PTPRG: variants seen among roughly 807,000 people sequenced by gnomAD.
PTPRG encodes the protein protein tyrosine phosphatase receptor type G.
A neutral mutation model predicts 165.3 loss-of-function variants in PTPRG; 102 were observed. That is an observed-to-expected ratio of 0.62 (90% CI 0.53 to 0.73). The LOEUF (loss-of-function observed/expected upper bound fraction) is 0.73. Ranked by LOEUF, PTPRG falls within the 30% of genes least tolerant of loss-of-function variation. PTPRG has a pLI of 0.00. For synonymous variants in PTPRG, 675 were observed against 669.5 expected (o/e 1.01, Z -0.13); for missense variants, 1,866 against 1,861.4 (o/e 1.00, Z -0.05).
intron 2 of PTPRG, among the ~76,000 whole-genome samples, chr3:61,805,888 C>A (rs2035399619): frequency 6.6e-6 from 1 of 152,080 alleles, no homozygotes; most frequent in South Asian, 2.1e-4. Flanking sequence ...ATTTACAAAT[C>A]TTGGAGTTTG....
intron 2 of PTPRG, among the ~76,000 whole-genome samples, chr3:61,841,278 C>T (rs190382849): frequency 2.0e-5 from 3 of 152,232 alleles, no homozygotes; most frequent in Admixed American, 6.5e-5. Context: ...AATATTTGTT[C>T]TCCCAGGTCA....
intron 3 of PTPRG, among the ~76,000 whole-genome samples, chr3:62,001,061 C>T (rs1288683465): frequency 2.0e-5 from 3 of 152,230 alleles, no homozygotes; most frequent in African/African-American, 7.2e-5. Context: ...TGCATGACAT[C>T]TTGTGCTCTG....
intron 5 of PTPRG, among the ~76,000 whole-genome samples, chr3:62,107,273 G>C (rs956640573): frequency 1.3e-5 from 2 of 152,288 alleles, no homozygotes; most frequent in South Asian, 2.1e-4. Flanking sequence ...CTCATACCAT[G>C]AAGCATACTT....
chr3:61,674,131 G>A (rs914191896), intron 1 of PTPRG, among the ~76,000 whole-genome samples: 16 of 151,592 alleles, frequency 1.1e-4, no homozygotes, highest in Middle Eastern at 3.4e-3. Context: ...GTATACCTAT[G>A]TAACAAACCT....
At chr3:61,643,287 G>GAGAGAGAGAGAC (rs1397650637) in intron 1 of PTPRG, among the ~76,000 whole-genome samples, 2 of 152,022 alleles carry the variant, frequency 1.3e-5, no homozygotes, top group Non-Finnish European at 2.9e-5. Context: ...AAGAGAGAGA[G>GAGAGAGAGAGAC]AGAGAGACAG....
chr3:62,244,175 T>A (rs1247967821), intron 15 of PTPRG, among the ~76,000 whole-genome samples: 1 of 152,260 alleles, frequency 6.6e-6, no homozygotes, highest in Non-Finnish European at 1.5e-5. Context: ...CTTATATTTT[T>A]AAATCACAAT....
rs1057438755 is a variant in PTPRG at position 62,297,607 on chromosome 3, G to T, written c.*4300G>T. 2 of 151,950 alleles carry T rather than the reference G, an allele frequency of 1.3e-5. No homozygotes were observed. Among genetic ancestry groups the T allele is most frequent in the Non-Finnish European group, 2.9e-5 (2 of 67,972 alleles). 9.4% of individuals were successfully genotyped at this position (151,950 alleles called of 1,614,324 possible). A position where few individuals can be genotyped will look rare whatever the true frequency, so the allele number is the denominator to read the frequency against. ...CATAAAATAAAGTATGGTTTTTGAT[G>T]TATTCAGTAGTGTTGAGCATTTCTA... On this transcript the variant is annotated 3_prime_UTR_variant, in exon 30 of 30. Coordinates refer to ENST00000474889, the MANE Select transcript of PTPRG (RefSeq NM_002841.4).
intron 1 of PTPRG, among the ~76,000 whole-genome samples, chr3:61,611,349 A>T (rs1333982284): frequency 1.3e-5 from 2 of 152,104 alleles, no homozygotes; most frequent in African/African-American, 4.8e-5. Flanking sequence ...AGATGTACAC[A>T]AAGTGACAAG....
chr3:62,083,295 C>G (rs919603622), intron 5 of PTPRG, among the ~76,000 whole-genome samples: 2 of 150,202 alleles, frequency 1.3e-5, no homozygotes, highest in Admixed American at 1.3e-4. Flanking sequence ...AGAACGGGGT[C>G]TCACTATGTT....
At chr3:61,724,721 A>G (rs2032187776) in intron 1 of PTPRG, among the ~76,000 whole-genome samples, 2 of 151,900 alleles carry the variant, frequency 1.3e-5, no homozygotes, top group South Asian at 2.1e-4. Context: ...TGTGGTCCCA[A>G]TTTTCATTTT....
chr3:61,970,641 T>C (rs900455540), intron 2 of PTPRG, among the ~76,000 whole-genome samples: 2 of 151,936 alleles, frequency 1.3e-5, no homozygotes, highest in Middle Eastern at 3.2e-3. Flanking sequence ...TTAGTAGTGA[T>C]GGCTTAACTG....
At chr3:62,112,132 A>G (rs918616091) in intron 5 of PTPRG, among the ~76,000 whole-genome samples, 10 of 150,836 alleles carry the variant, frequency 6.6e-5, no homozygotes, top group Admixed American at 1.3e-4. Context: ...ATGGAGTTTC[A>G]CTCTGTCGCC....
intron 1 of PTPRG, among the ~76,000 whole-genome samples, chr3:61,717,632 A>G (rs1372733841): frequency 4.0e-5 from 6 of 151,662 alleles, no homozygotes. Flanking sequence ...CTAAAAATAC[A>G]AAAAAAATTA....
At chr3:62,114,041 G>T (rs926641932) in intron 5 of PTPRG, among the ~76,000 whole-genome samples, 1 of 152,166 alleles carries the variant, frequency 6.6e-6, no homozygotes, top group African/African-American at 2.4e-5. Flanking sequence ...GCTCGCACCC[G>T]TAATGCCAGC....
Position 62,195,307 on chromosome 3 carries a change from A to G in PTPRG, c.1327+137A>G, listed in dbSNP as rs922395397. 21 of 743,504 alleles carry G rather than the reference A, an allele frequency of 2.8e-5. No homozygotes were observed. In the East Asian group the frequency reaches 5.8e-4, roughly 21 times the overall value. 46.1% of individuals were successfully genotyped at this position (743,504 alleles called of 1,614,324 possible). ...GAATCAGTGTAGGGTTTTAAAGCCT[A>G]TGCGGGAAGCCCTAGTAATTTAGGT... On this transcript the variant is annotated intron_variant, in intron 10 of 29. Transcript: ENST00000474889. This position sits in a 1 kb window ranked among gnomAD's most constrained non-coding sequence, Gnocchi z 4.4.
chr3:62,011,989 G>GT (rs765181470), intron 4 of PTPRG, among the ~76,000 whole-genome samples: 25 of 152,222 alleles, frequency 1.6e-4, no homozygotes, highest in Non-Finnish European at 3.1e-4. Context: ...GATACTCTCA[G>GT]TGTAGAAACT....
Position 62,219,191 on chromosome 3 carries a change from T to C in PTPRG, c.2288+208T>C, listed in dbSNP as rs976549238. 6.6e-6 allele frequency among the ~76,000 whole-genome samples: 1 copy of C among 152,222 alleles called. No individual in the cohort carries two copies. Among genetic ancestry groups the C allele is most frequent in the Non-Finnish European group, 1.5e-5 (1 of 68,034 alleles). ...GAGGTCAAGGCATTTATGGTAAGCT[T>C]CTGGGATTTAGTACCAAAGAGGTTT... On this transcript the variant is annotated intron_variant, in intron 13 of 29. Transcript: ENST00000474889. The surrounding 1 kb of genome is among the most constrained non-coding windows in gnomAD (Gnocchi z 4.5).
At chr3:62,076,706 C>T (rs1188990590) in intron 4 of PTPRG, among the ~76,000 whole-genome samples, 3 of 151,818 alleles carry the variant, frequency 2.0e-5, no homozygotes, top group African/African-American at 4.8e-5. Context: ...CTCAGCCTCC[C>T]GAGTAGCTGG....
intron 1 of PTPRG, among the ~76,000 whole-genome samples, chr3:61,688,490 G>A (rs2029916265): frequency 6.6e-6 from 1 of 152,186 alleles, no homozygotes; most frequent in Admixed American, 6.5e-5. Flanking sequence ...GTGGCAGCAG[G>A]TCTCAAGCTT....
Sources: gnomAD v4.1 joint callset for allele counts (sites outside exome capture counted in the v4.1 genomes callset) on GRCh38, gnomAD v4.1.1 for gene constraint, Gnocchi (gnomAD v3.1) non-coding constraint, MANE v1.5 for transcripts, NCBI Gene and HGNC (gene_info 2026-07-23, HGNC 2026-07-21) for gene names.